Variants in JPH3 observed in about 807,000 individuals in gnomAD.
JPH3 encodes the protein junctophilin-3.
JPH3 carries 11 observed loss-of-function variants against 59.6 expected under a neutral mutation model. That is an observed-to-expected ratio of 0.18 (90% CI 0.12 to 0.31). The LOEUF (loss-of-function observed/expected upper bound fraction) is 0.31. Ranked by LOEUF, JPH3 falls within the 10% of genes least tolerant of loss-of-function variation. The probability of loss-of-function intolerance (pLI) is 1.00; values close to 1 mark genes in which losing one functional copy is unlikely to be tolerated. For missense variants in JPH3, 1,202 were observed against 1,105.7 expected, an observed-to-expected ratio of 1.09 and a Z score of -1.24; for synonymous variants, 673 against 483.6, an observed-to-expected ratio of 1.39 and a Z score of -5.14.
At position 87,696,562 on chromosome 16, in the gene JPH3, C is replaced by T. The variant is rs368105483; in HGVS notation, c.2167-18C>T. On this transcript the variant is annotated intron_variant, in intron 4 of 4. Coordinates refer to ENST00000284262, the MANE Select transcript of JPH3 (RefSeq NM_020655.4). The stretch of plus-strand genomic sequence containing the variant: ...CCCCCGCAGCTGTCGCTCACCTCTT[C>T]CCCTCGCTCTCTTCCAGGGCTCAGC... 6.8e-6 allele frequency: 11 copies of T among 1,609,666 alleles called. No homozygotes were observed. In the South Asian group the frequency reaches 7.7e-5, roughly 11 times the overall value.
chr16:87,689,822 C>A lies in JPH3; in HGVS notation c.1462C>A (p.Pro488Thr), dbSNP rs747694319. The A allele has an allele frequency of 6.4e-7, 1 of 1,564,780 alleles. No individual in the cohort carries two copies. The highest frequency in any genetic ancestry group is 1.4e-5 in the African/African-American group (1 of 73,468). Reference sequence around the variant, plus strand: ...CTTCCCCACCAGCCCCGCGGCCACCCCGCCGCCCGCGCCCGCCGCCAGGAA... The same window carrying A: ...CTTCCCCACCAGCCCCGCGGCCACCACGCCGCCCGCGCCCGCCGCCAGGAA... ...QSFPTSPAAT[P>T]PPAPAARNKV... The change falls in exon 4 of 5, where the codon CCG (proline) becomes ACG (threonine). Residue 488 changes from proline to threonine, a missense_variant. Pro to Thr is a conservative substitution (Grantham distance 38). Coordinates refer to ENST00000284262, the MANE Select transcript of JPH3 (RefSeq NM_020655.4).
chr16:87,688,194 C>T lies in JPH3; in HGVS notation c.1286-1452C>T, dbSNP rs1215486055. 3.3e-5 allele frequency among the ~76,000 whole-genome samples: 5 copies of T among 152,210 alleles called. No individual in the cohort carries two copies. In the East Asian group the frequency reaches 5.8e-4, roughly 18 times the overall value. On this transcript the variant is annotated intron_variant, in intron 3 of 4. Coordinates refer to ENST00000284262, the MANE Select transcript of JPH3 (RefSeq NM_020655.4). ...CAGTCATTGAGACCTCAGAGTGGCC[C>T]ACCCACACCCCCGTGTGACAGGAAC...
chr16:87,673,031 G>A (rs182521826), intron 2 of JPH3, among the ~76,000 whole-genome samples: 4 of 151,940 alleles, frequency 2.6e-5, no homozygotes, highest in South Asian at 2.1e-4. Flanking sequence ...ACGTAATCCC[G>A]GCTACTTGGG....
intron 1 of JPH3, among the ~76,000 whole-genome samples, chr16:87,616,965 C>T (rs2030995065): frequency 6.6e-6 from 1 of 152,238 alleles, no homozygotes; most frequent in African/African-American, 2.4e-5. Context: ...TGGCTCACGC[C>T]TGTAATCCCA....
chr16:87,630,496 C>T (rs920467345), intron 1 of JPH3, among the ~76,000 whole-genome samples: 3 of 89,026 alleles, frequency 3.4e-5, no homozygotes, highest in African/African-American at 1.5e-4. Flanking sequence ...AGGTCTTCAC[C>T]CACACCCACG....
At chr16:87,669,490 C>T (rs1440448938) in intron 2 of JPH3, among the ~76,000 whole-genome samples, 8 of 152,360 alleles carry the variant, frequency 5.3e-5, no homozygotes, top group African/African-American at 1.9e-4. Flanking sequence ...GGACACGTTG[C>T]CTGGCAGCCT....
At chr16:87,692,206 T>C (rs376079577) in intron 4 of JPH3, among the ~76,000 whole-genome samples, 18 of 151,488 alleles carry the variant, frequency 1.2e-4, no homozygotes, top group South Asian at 1.0e-3. Context: ...TTTCCCTCCC[T>C]GTCTCCCTCC....
At chr16:87,644,141 A>C (rs1039085232) in intron 1 of JPH3, 117 bp from the exon 2 acceptor site, 2 of 1,161,702 alleles carry the variant, frequency 1.7e-6, no homozygotes, top group African/African-American at 3.1e-5. Flanking sequence ...CTGTCTCAAA[A>C]AACACAAAAC....
rs1213677567 is a variant in JPH3, at chr16:87,611,746, T to C, written c.382+8218T>C. Among the ~76,000 whole-genome samples, 1 of 152,186 alleles carries C rather than the reference T, an allele frequency of 6.6e-6. No individual in the cohort carries two copies. The highest frequency in any genetic ancestry group is 1.5e-5 in the Non-Finnish European group (1 of 68,028). On this transcript the variant is annotated intron_variant, in intron 1 of 4. Coordinates refer to ENST00000284262, the MANE Select transcript of JPH3 (RefSeq NM_020655.4). The surrounding 1 kb of genome is among the most constrained non-coding windows in gnomAD (Gnocchi z 4.5). ...AGCCCCACCCCTGAGTCTCTGGGCC[T>C]GGGATGCCACCCAAGAATTTATATT...
intron 2 of JPH3, among the ~76,000 whole-genome samples, chr16:87,679,051 T>G (rs2033220746): frequency 6.6e-6 from 1 of 152,174 alleles, no homozygotes; most frequent in Non-Finnish European, 1.5e-5. Flanking sequence ...ACTTCAGACC[T>G]CAAATCCTCC....
At chr16:87,690,662 GC>G (rs1287829875) in intron 4 of JPH3, 136 bp downstream of exon 4, 1 of 966,772 alleles carries the variant, frequency 1.0e-6, no homozygotes, top group East Asian at 3.0e-5. Flanking sequence ...TGGGGGTACA[GC>G]CGGGAGTGGT....
At chr16:87,604,362 G>A (rs1487387028) in intron 1 of JPH3, 4 of 1,445,254 alleles carry the variant, frequency 2.8e-6, no homozygotes, top group African/African-American at 2.8e-5. Context: ...ACCTTGGCCG[G>A]CTCTGCAGCT....
At chr16:87,668,669 G>GA (rs1327447471) in intron 2 of JPH3, among the ~76,000 whole-genome samples, 32 of 152,192 alleles carry the variant, frequency 2.1e-4, no homozygotes, top group Admixed American at 2.1e-3. Context: ...CTTCTTGGCG[G>GA]AGTCTGGCCA....
chr16:87,657,372 G>A (rs1247624738), intron 2 of JPH3, among the ~76,000 whole-genome samples: 3 of 152,182 alleles, frequency 2.0e-5, no homozygotes, highest in Non-Finnish European at 4.4e-5. Flanking sequence ...GACAGGGAGT[G>A]GACTGGGTTA....
At chr16:87,691,786 C>T (rs1296530092) in intron 4 of JPH3, among the ~76,000 whole-genome samples, 3 of 152,044 alleles carry the variant, frequency 2.0e-5, no homozygotes, top group Admixed American at 6.5e-5. Context: ...CCTGCTGGGA[C>T]CAAAATACCA....
intron 1 of JPH3, among the ~76,000 whole-genome samples, chr16:87,613,437 C>A (rs181833458): frequency 2.3e-3 from 345 of 152,272 alleles, no homozygotes; most frequent in African/African-American, 7.4e-3. Context: ...TCTCCTGCCT[C>A]TGCCTCCCGA....
chr16:87,637,837 G>A (rs1401440578), intron 1 of JPH3, among the ~76,000 whole-genome samples: 1 of 152,148 alleles, frequency 6.6e-6, no homozygotes, highest in Non-Finnish European at 1.5e-5. Flanking sequence ...AGCTCCAGTT[G>A]GGGGTGTGAC....
At chr16:87,687,091 A>G (rs775464910) in intron 3 of JPH3, among the ~76,000 whole-genome samples, 3 of 152,280 alleles carry the variant, frequency 2.0e-5, no homozygotes, top group Middle Eastern at 6.8e-3. Flanking sequence ...ATTTGATCCA[A>G]GCATTTCTTG....
At chr16:87,690,588 G>T (rs1488648189) in intron 4 of JPH3, 62 bp downstream of exon 4, 1 of 1,407,312 alleles carries the variant, frequency 7.1e-7, no homozygotes, top group South Asian at 1.7e-5. Flanking sequence ...TGCTGACCTG[G>T]TGTTTCCTGA....
Sources: gnomAD v4.1 joint callset for allele counts (sites outside exome capture counted in the v4.1 genomes callset) on GRCh38, gnomAD v4.1.1 for gene constraint, Gnocchi (gnomAD v3.1) non-coding constraint, MANE v1.5 for transcripts, NCBI Gene and HGNC (gene_info 2026-07-23, HGNC 2026-07-21) for gene names.